STRIP1: variants seen among roughly 807,000 people sequenced by gnomAD.
STRIP1 encodes striatin interacting protein 1, also known as striatin-interacting protein 1.
A neutral mutation model predicts 106.2 loss-of-function variants in STRIP1; 63 were observed. That is an observed-to-expected ratio of 0.59 (90% confidence interval 0.48 to 0.73). The LOEUF (loss-of-function observed/expected upper bound fraction) is 0.73. Ranked by LOEUF, STRIP1 falls within the 30% of genes least tolerant of loss-of-function variation. The pLI is 0.00. For missense variants in STRIP1, 857 were observed against 1,074.8 expected (o/e 0.80, Z 2.83); for synonymous variants, 390 against 413.0 (o/e 0.94, Z 0.67).
At chr1:110,043,019 T>C (rs1652838138) in intron 8 of STRIP1, 69 bp from the exon 9 acceptor site, 2 of 1,456,584 alleles carry the variant, frequency 1.4e-6, no homozygotes, top group South Asian at 2.5e-5. Flanking sequence ...TTTCTGAGCC[T>C]GACACAATGG....
chr1:110,046,775 G>T, intron 13 of STRIP1, 24 bp downstream of exon 13: 1 of 1,591,656 alleles, frequency 6.3e-7, no homozygotes, highest in South Asian at 1.1e-5. Flanking sequence ...CCTCAGTCCG[G>T]GCGCGGTGGC....
chr1:110,051,737 C>T lies in STRIP1; in HGVS notation c.2116C>T (p.Gln706Ter). 3 of 1,613,396 alleles carry T rather than the reference C, an allele frequency of 1.9e-6. No homozygotes were observed. The highest frequency in any genetic ancestry group is 2.5e-6 in the Non-Finnish European group (3 of 1,179,896). Residue 706 changes from glutamine (Q) to a stop codon, truncating the protein, a stop_gained, in exon 20 of 21, where the codon CAA becomes TAA. Coordinates refer to ENST00000369795, the MANE Select transcript of STRIP1 (RefSeq NM_033088.4). LOFTEE classifies it high-confidence loss of function. The stretch of plus-strand genomic sequence containing the variant: ...CTTGAAGCGGGCCCTAAAGGTGAAA[C>T]AAGCCATGATGCAGCTCTATGTGCT... ...PILKRALKVK[Q>*]AMMQLYVLKL... is the part of the protein sequence containing the mutation.
At chr1:110,051,598 C>A in intron 19 of STRIP1, 85 bp from the exon 20 acceptor site, 1 of 1,368,130 alleles carries the variant, frequency 7.3e-7, no homozygotes, top group South Asian at 1.3e-5. Flanking sequence ...CAGTAACTTC[C>A]AAAGGGTTAA....
upstream of STRIP1, chr1:110,034,497 G>C (rs1026841694): frequency 1.1e-6 from 1 of 901,596 alleles, no homozygotes. Context: ...AATATCGCGA[G>C]GTATTGGTCA....
In STRIP1 at chr1:110,043,113, T is replaced by G; in HGVS notation, c.911T>G (p.Leu304Arg). Reference protein sequence around the residue: ...VLCTLGGFEELQSMKAEKRSI... With the variant: ...VLCTLGGFEERQSMKAEKRSI... ...TGCACGCTAGGCGGCTTTGAGGAGC[T>G]GCAGAGCATGAAGGCTGAGAAGCGC... The change falls in exon 9 of 21, where the codon CTG becomes CGG. Residue 304 changes from leucine to arginine, a missense_variant. Coordinates refer to ENST00000369795, the MANE Select transcript of STRIP1 (RefSeq NM_033088.4). The G allele has an allele frequency of 1.2e-6, 2 of 1,613,570 alleles. No homozygotes were observed. Among genetic ancestry groups the G allele is most frequent in the Non-Finnish European group, 1.7e-6 (2 of 1,179,860 alleles).
intron 20 of STRIP1, among the ~76,000 whole-genome samples, chr1:110,052,675 A>G (rs1165434621): frequency 6.6e-6 from 1 of 151,956 alleles, no homozygotes; most frequent in Non-Finnish European, 1.5e-5. Context: ...TCACTGTGTT[A>G]GCCAGGCTGG....
intron 6 of STRIP1, chr1:110,041,253 C>G (rs542429321): frequency 1.9e-5 from 5 of 269,494 alleles, no homozygotes; most frequent in African/African-American, 8.9e-5. Flanking sequence ...CTGGGCGTCA[C>G]CTCTCAGCTC....
chr1:110,039,054 T>G, intron 3 of STRIP1, 118 bp from the exon 4 acceptor site: 1 of 1,159,030 alleles, frequency 8.6e-7, no homozygotes, highest in Non-Finnish European at 1.2e-6. Flanking sequence ...ACCACTTACA[T>G]AGGGTGTAAC....
At position 110,042,860 on chromosome 1, in the gene STRIP1, G is replaced by A; in HGVS notation, c.886-228G>A. 3 of 536,372 alleles carry A rather than the reference G, an allele frequency of 5.6e-6. No homozygotes were observed. The South Asian group carries it at 8.2e-5, about 15-fold the overall frequency. 33.2% of individuals were successfully genotyped at this position (536,372 alleles called of 1,614,324 possible). ...GCAGAGTTAGTGTATCTGCACTAGG[G>A]TCAGTCAGCCTGCATCTCCACTCTT... On this transcript the variant is annotated intron_variant, in intron 8 of 20. Coordinates refer to ENST00000369795, the MANE Select transcript of STRIP1 (RefSeq NM_033088.4).
At chr1:110,046,527 G>T (rs1653027105) in intron 12 of STRIP1, among the ~76,000 whole-genome samples, 153 bp from the exon 13 acceptor site, 1 of 152,038 alleles carries the variant, frequency 6.6e-6, no homozygotes, top group Non-Finnish European at 1.5e-5. Context: ...AAATATCTGG[G>T]GTTTGGGATT....
At chr1:110,048,957 G>C (rs1035966937) in intron 15 of STRIP1, among the ~76,000 whole-genome samples, 155 bp from the exon 16 acceptor site, 1 of 152,182 alleles carries the variant, frequency 6.6e-6, no homozygotes, top group Admixed American at 6.5e-5. Flanking sequence ...GGAGGTGGAT[G>C]GGGGAGCCCT....
Position 110,045,028 on chromosome 1 carries a change from G to A in STRIP1, c.1366G>A (p.Val456Met). The A allele has an allele frequency of 6.2e-7, 1 of 1,614,188 alleles. No individual in the cohort carries two copies. The highest frequency in any genetic ancestry group is 8.5e-7 in the Non-Finnish European group (1 of 1,180,034). The stretch of plus-strand genomic sequence containing the variant: ...TTTATTCTCCAGTGACACGAACACA[G>A]TGGTGGGGCTGCCCAGGCCAATCCA... ...GYTLGSDTNTVVGLPRPIHES... is the reference protein window; with the variant it reads ...GYTLGSDTNTMVGLPRPIHES... Residue 456 changes from valine (V) to methionine (M), a missense_variant, in exon 12 of 21, where the codon GTG becomes ATG. Transcript: ENST00000369795.
upstream of STRIP1, among the ~76,000 whole-genome samples, chr1:110,033,571 C>T (rs933821416): frequency 5.9e-5 from 9 of 152,194 alleles, no homozygotes; most frequent in Admixed American, 1.3e-4. Context: ...GAGCCTCTCA[C>T]GGTGAGAAAG....
intron 19 of STRIP1, among the ~76,000 whole-genome samples, chr1:110,051,468 CAT>C (rs1653299187): frequency 6.6e-6 from 1 of 152,148 alleles, no homozygotes; most frequent in Admixed American, 6.5e-5. Flanking sequence ...CAAAGTGACA[CAT>C]AGTTAGGGTG....
chr1:110,034,005 C>T (rs896151450), upstream of STRIP1, among the ~76,000 whole-genome samples: 8 of 152,226 alleles, frequency 5.3e-5, no homozygotes, highest in Admixed American at 3.9e-4. Context: ...TTGTAGTGGT[C>T]CCTGTAACTA....
Position 110,049,187 on chromosome 1 carries a change from T to G in STRIP1, c.1737T>G (p.Ser579=), listed in dbSNP as rs777959189. The change falls in exon 16 of 21, where the codon TCT becomes TCG. Residue 579 remains serine (S), a synonymous_variant. Transcript: ENST00000369795. ...RHKEVIVKAI[S]AVLLLLLKHF... is the part of the protein sequence containing the mutation. ...AAGAGGTCATTGTTAAGGCCATTTCTGCTGTCCTGCTGCTGCTGCTCAAGC... is the reference window on the plus strand; with the variant it reads ...AAGAGGTCATTGTTAAGGCCATTTCGGCTGTCCTGCTGCTGCTGCTCAAGC... 12 of 1,614,244 alleles carry G rather than the reference T, an allele frequency of 7.4e-6. No individual in the cohort carries two copies. The Admixed American group carries it at 1.3e-4, about 18-fold the overall frequency.
intron 17 of STRIP1, chr1:110,050,114 CA>C: frequency 1.9e-6 from 1 of 535,752 alleles, no homozygotes; most frequent in Non-Finnish European, 3.4e-6. Flanking sequence ...CTTCCCCTTA[CA>C]AGATCAACAA....
At chr1:110,033,700 C>T (rs942616581), upstream of STRIP1, among the ~76,000 whole-genome samples, 22 of 152,226 alleles carry the variant, frequency 1.4e-4, no homozygotes, top group Non-Finnish European at 3.1e-4. Flanking sequence ...AAGGCTCCAC[C>T]TCCAAATACC....
chr1:110,053,552 G>T (rs1055695662), intron 20 of STRIP1, 113 bp from the exon 21 acceptor site: 2 of 1,423,240 alleles, frequency 1.4e-6, no homozygotes, highest in Non-Finnish European at 9.5e-7. Flanking sequence ...TTCTGAGGAT[G>T]AGCTCGGAGG....
Sources: gnomAD v4.1 joint callset for allele counts (sites outside exome capture counted in the v4.1 genomes callset) on GRCh38, gnomAD v4.1.1 for gene constraint, MANE v1.5 for transcripts, NCBI Gene and HGNC (gene_info 2026-07-23, HGNC 2026-07-21) for gene names.